Variants in NMBR observed in about 807,000 individuals in gnomAD.
The protein encoded by NMBR is neuromedin B receptor.
Under a neutral mutation model 20.5 loss-of-function variants are expected in NMBR, and 16 were observed. That is an observed-to-expected ratio of 0.78 (90% confidence interval 0.53 to 1.19). The LOEUF is 1.19. NMBR is among the 50% of genes most tolerant of loss of function. NMBR has a pLI of 0.00. For missense variants in NMBR, 582 were observed against 499.1 expected, an observed-to-expected ratio of 1.17 and a Z score of -1.58; for synonymous variants, 212 against 196.6, an observed-to-expected ratio of 1.08 and a Z score of -0.65.
At chr6:142,140,211 A>T (rs189442773) in intron 1 of NMBR, among the ~76,000 whole-genome samples, 44 of 152,230 alleles carry the variant, frequency 2.9e-4, no homozygotes, top group Admixed American at 7.9e-4. Context: ...AAAACAAACA[A>T]AATAAAATAA....
At chr6:142,125,387 A>G (rs1285221550) in intron 1 of NMBR, among the ~76,000 whole-genome samples, 1 of 151,792 alleles carries the variant, frequency 6.6e-6, no homozygotes, top group Non-Finnish European at 1.5e-5. Context: ...ATCATCCTTT[A>G]TTTTAAGCAA....
At chr6:142,077,475 A>G (rs1244150579) in intron 3 of NMBR, among the ~76,000 whole-genome samples, 1 of 152,256 alleles carries the variant, frequency 6.6e-6, no homozygotes, top group African/African-American at 2.4e-5. Context: ...ACAGTGAGCC[A>G]ATGATCTGAA....
rs755366862 is a variant in NMBR, at chr6:142,088,366, G to C, written c.293C>G (p.Pro98Arg). The stretch of plus-strand genomic sequence containing the variant: ...GAAGAAGTAGCGCGAGGCGTCCACC[G>C]GGACGCAGGTGAGCAGCAGCAGCAA... ...GDLLLLLTCV[P>R]VDASRYFFDE... The change falls in exon 2 of 4, where the codon CCG becomes CGG. Residue 98 changes from proline to arginine, a missense_variant. Transcript: ENST00000258042. The C allele has an allele frequency of 3.7e-6, 6 of 1,614,032 alleles. No individual in the cohort carries two copies. The highest frequency in any genetic ancestry group is 3.3e-5 in the Admixed American group (2 of 60,006).
At chr6:142,087,663 CAAG>C (rs1454398824) in intron 2 of NMBR, among the ~76,000 whole-genome samples, 11 of 152,268 alleles carry the variant, frequency 7.2e-5, no homozygotes, top group African/African-American at 2.6e-4. Context: ...AGGTATTAAA[CAAG>C]AAGAATGTGA....
At chr6:142,079,147 G>GAAAGAAAGA (rs879683798) in intron 2 of NMBR, among the ~76,000 whole-genome samples, 22 of 86,806 alleles carry the variant, frequency 2.5e-4, no homozygotes, top group East Asian at 5.2e-4. Flanking sequence ...GAAAGAAAAA[G>GAAAGAAAGA]AAGAGAGGAG....
chr6:142,079,341 T>C (rs550978719), intron 2 of NMBR, among the ~76,000 whole-genome samples: 24 of 152,270 alleles, frequency 1.6e-4, no homozygotes, highest in Non-Finnish European at 2.8e-4. Flanking sequence ...AGGTTCCTGG[T>C]GTCTCTCAGT....
Position 142,088,409 on chromosome 6 carries a change from T to G in NMBR, c.250A>C (p.Asn84His). 1 of 1,613,550 alleles carries G rather than the reference T, an allele frequency of 6.2e-7. No homozygotes were observed. The highest frequency in any genetic ancestry group is 8.5e-7 in the Non-Finnish European group (1 of 1,179,868). Residue 84 changes from asparagine to histidine, a missense_variant, in exon 2 of 4, where the codon AAC becomes CAC. Coordinates refer to ENST00000258042, the MANE Select transcript of NMBR (RefSeq NM_002511.4). ...MRSVPNIFIS[N>H]LAAGDLLLLL... ...AGCAGCAAGTCCCCGGCCGCCAGGT[T>G]AGAGATGAAGATGTTGGGGACGCTC...
At chr6:142,094,711 G>C (rs1344661467) in intron 1 of NMBR, among the ~76,000 whole-genome samples, 3 of 152,112 alleles carry the variant, frequency 2.0e-5, no homozygotes, top group South Asian at 2.1e-4. Context: ...AGCTTGATGG[G>C]GATGGCATTG....
intron 1 of NMBR, among the ~76,000 whole-genome samples, chr6:142,099,176 C>A (rs137863731): frequency 6.6e-6 from 1 of 152,182 alleles, no homozygotes; most frequent in Non-Finnish European, 1.5e-5. Flanking sequence ...GATCACAGAC[C>A]TATATGTAAA....
At position 142,078,686 on chromosome 6, in the gene NMBR, C is replaced by T. The variant is rs756025398; in HGVS notation, c.640G>A (p.Val214Met). The change falls in exon 3 of 4, where the codon GTG becomes ATG. Residue 214 changes from valine to methionine, a missense_variant. Transcript: ENST00000258042. ...TDELHPKIHS[V>M]LIFLVYFLIP... ...AGGAAATAGACCAAGAAAATGAGCA[C>T]TGAATGAATCTTTGGATGTAATTCA... 1 of 1,613,838 alleles carries T rather than the reference C, an allele frequency of 6.2e-7. No individual in the cohort carries two copies. The highest frequency in any genetic ancestry group is 1.1e-5 in the South Asian group (1 of 91,070).
chr6:142,121,142 C>T (rs890636622), intron 1 of NMBR, among the ~76,000 whole-genome samples: 4 of 151,772 alleles, frequency 2.6e-5, no homozygotes, highest in Non-Finnish European at 4.4e-5. Context: ...TTCAGGACAC[C>T]TCGAAAACTG....
chr6:142,144,290 T>C (rs930093114), intron 1 of NMBR, among the ~76,000 whole-genome samples: 3 of 152,220 alleles, frequency 2.0e-5, no homozygotes, highest in African/African-American at 4.8e-5. Context: ...ATATATATTA[T>C]CCTGATTACA....
intron 2 of NMBR, among the ~76,000 whole-genome samples, chr6:142,082,235 G>C (rs1018344246): frequency 9.2e-5 from 14 of 152,116 alleles, no homozygotes; most frequent in African/African-American, 3.4e-4. Flanking sequence ...TGAACCGCAT[G>C]ATAAGAGAAA....
chr6:142,102,325 G>A (rs1474088995), intron 1 of NMBR, among the ~76,000 whole-genome samples: 4 of 150,564 alleles, frequency 2.7e-5, no homozygotes, highest in Non-Finnish European at 5.9e-5. Context: ...GGAAGGTGGA[G>A]CTTGCAAGGA....
In NMBR at chr6:142,075,764, A is replaced by G; in HGVS notation, c.1057T>C (p.Tyr353His). 3 of 1,614,080 alleles carry G rather than the reference A, an allele frequency of 1.9e-6. No individual in the cohort carries two copies. The highest frequency in any genetic ancestry group is 1.3e-5 in the African/African-American group (1 of 75,050). The change falls in exon 4 of 4, where the codon TAC becomes CAC. Residue 353 changes from tyrosine to histidine, a missense_variant. Tyr to His is a moderately conservative substitution (Grantham distance 83). Coordinates refer to ENST00000258042, the MANE Select transcript of NMBR (RefSeq NM_002511.4). ...RKSYQERGTS[Y>H]LLSSSAVRMT... ...CGCACCGCTGAAGAGCTGAGTAGGTAGCTGGTTCCTCTCTCTTGATAGGAC... is the reference window on the plus strand; with the variant it reads ...CGCACCGCTGAAGAGCTGAGTAGGTGGCTGGTTCCTCTCTCTTGATAGGAC...
chr6:142,136,499 A>G (rs2114611678), intron 1 of NMBR, among the ~76,000 whole-genome samples: 1 of 152,188 alleles, frequency 6.6e-6, no homozygotes, highest in Non-Finnish European at 1.5e-5. Context: ...CTTTAGTTTA[A>G]TTAGATCCCA....
intron 2 of NMBR, among the ~76,000 whole-genome samples, chr6:142,087,525 G>A (rs1025541957): frequency 6.6e-6 from 1 of 152,094 alleles, no homozygotes; most frequent in South Asian, 2.1e-4. Flanking sequence ...AAATGACAGA[G>A]TTGAACTAGT....
At chr6:142,112,751 T>C (rs1777787467) in intron 1 of NMBR, among the ~76,000 whole-genome samples, 2 of 152,160 alleles carry the variant, frequency 1.3e-5, no homozygotes, top group South Asian at 4.1e-4. Flanking sequence ...AATAGAATGA[T>C]TACATCTCCA....
intron 1 of NMBR, among the ~76,000 whole-genome samples, chr6:142,125,990 C>T (rs1180984875): frequency 6.6e-6 from 1 of 151,578 alleles, no homozygotes; most frequent in African/African-American, 2.4e-5. Context: ...CATTAGATTT[C>T]CAGAAGTTAT....
Sources: gnomAD v4.1 joint callset for allele counts (sites outside exome capture counted in the v4.1 genomes callset) on GRCh38, gnomAD v4.1.1 for gene constraint, MANE v1.5 for transcripts, NCBI Gene and HGNC (gene_info 2026-07-23, HGNC 2026-07-21) for gene names.